The following GRHL2 variants were observed in gnomAD, a reference collection of about 807,000 sequenced individuals.
GRHL2 encodes the protein grainyhead like transcription factor 2, also known as grainyhead-like protein 2 homolog.
GRHL2 carries 21 observed loss-of-function variants against 83.8 expected under a neutral mutation model. The observed-to-expected ratio is 0.25, with a 90% CI of 0.18 to 0.36. The LOEUF (loss-of-function observed/expected upper bound fraction) is 0.36, where lower values mean the gene tolerates loss of function less well. Ranked by LOEUF, GRHL2 falls within the 10% of genes least tolerant of loss-of-function variation. The probability of loss-of-function intolerance (pLI) is 1.00; values close to 1 mark genes in which losing one functional copy is unlikely to be tolerated. For missense variants in GRHL2, 623 were observed against 781.8 expected (o/e 0.80, Z 2.42); for synonymous variants, 280 against 278.9 (o/e 1.00, Z -0.04).
Position 101,551,788 on chromosome 8 carries a change from T to A in GRHL2, c.217-927T>A, listed in dbSNP as rs1292243371. 4.7e-5 allele frequency among the ~76,000 whole-genome samples: 7 copies of A among 150,094 alleles called. No individual in the cohort carries two copies. The Admixed American group carries it at 4.7e-4, about 10-fold the overall frequency. On this transcript the variant is annotated intron_variant, in intron 2 of 15. Coordinates refer to ENST00000646743, the MANE Select transcript of GRHL2 (RefSeq NM_024915.4). ...GAGACAGAGCTGGTGGGATGGCCCT[T>A]CTTTCAATGAGCACTTTTTCAATAT...
At chr8:101,657,132 C>T (rs987210058) in intron 14 of GRHL2, among the ~76,000 whole-genome samples, 10 of 152,208 alleles carry the variant, frequency 6.6e-5, no homozygotes, top group African/African-American at 1.9e-4. Flanking sequence ...ATGTCAAACA[C>T]GGCCACCTAG....
At chr8:101,520,517 TTTCTG>T (rs1325248465) in intron 1 of GRHL2, among the ~76,000 whole-genome samples, 4 of 152,120 alleles carry the variant, frequency 2.6e-5, no homozygotes, top group Non-Finnish European at 5.9e-5. Flanking sequence ...TACAACCTCT[TTTCTG>T]TTCAATCCCA....
At chr8:101,574,271 G>A (rs1473596934) in intron 6 of GRHL2, among the ~76,000 whole-genome samples, 2 of 152,186 alleles carry the variant, frequency 1.3e-5, no homozygotes, top group Non-Finnish European at 2.9e-5. Context: ...GCAGCCCAGG[G>A]CTTTCTCAGG....
chr8:101,631,559 A>G lies in GRHL2; in HGVS notation c.1258-78A>G, dbSNP rs891774592. The G allele has an allele frequency of 3.6e-6, 4 of 1,109,968 alleles. No individual in the cohort carries two copies. In the African/African-American group the frequency reaches 4.6e-5, roughly 13 times the overall value. 68.8% of individuals were successfully genotyped at this position (1,109,968 alleles called of 1,614,324 possible). ...CTCCCCTGTATTGTTTCATATCCTC[A>G]TGACTTATGTGTGACATGACTTTTG... On this transcript the variant is annotated intron_variant, in intron 9 of 15. Coordinates refer to ENST00000646743, the MANE Select transcript of GRHL2 (RefSeq NM_024915.4).
At chr8:101,671,484 G>T (rs527354338), downstream of GRHL2, among the ~76,000 whole-genome samples, 28 of 152,298 alleles carry the variant, frequency 1.8e-4, no homozygotes, top group African/African-American at 6.7e-4. Flanking sequence ...CAAGCTGGGG[G>T]AGGGGCACCT....
At chr8:101,672,318 C>T (rs773854443), downstream of GRHL2, among the ~76,000 whole-genome samples, 86 of 151,534 alleles carry the variant, frequency 5.7e-4, no homozygotes, top group Non-Finnish European at 5.4e-4. Context: ...AAAAATTAGA[C>T]GAATGGATAA....
At chr8:101,527,414 T>C (rs1390262361) in intron 1 of GRHL2, among the ~76,000 whole-genome samples, 1 of 152,212 alleles carries the variant, frequency 6.6e-6, no homozygotes, top group African/African-American at 2.4e-5. Flanking sequence ...TTGCCCAGGC[T>C]GGTCTCAAAC....
intron 3 of GRHL2, among the ~76,000 whole-genome samples, chr8:101,557,001 C>G (rs1461691306): frequency 1.3e-5 from 2 of 151,962 alleles, no homozygotes; most frequent in Non-Finnish European, 2.9e-5. Flanking sequence ...TTCTCCAGTT[C>G]AGCAATGATA....
chr8:101,501,475 G>A (rs1036447826), intron 1 of GRHL2, among the ~76,000 whole-genome samples: 1 of 152,320 alleles, frequency 6.6e-6, no homozygotes, highest in East Asian at 1.9e-4. Context: ...AGGAGACAAG[G>A]AAAGGCTGAA....
intron 8 of GRHL2, among the ~76,000 whole-genome samples, chr8:101,614,385 A>G (rs1812813443): frequency 6.6e-6 from 1 of 151,178 alleles, no homozygotes; most frequent in African/African-American, 2.5e-5. Flanking sequence ...TGATCTAATG[A>G]ATTCTTTCTT....
chr8:101,617,865 A>G (rs1294823025), intron 8 of GRHL2, among the ~76,000 whole-genome samples: 1 of 152,248 alleles, frequency 6.6e-6, no homozygotes, highest in Middle Eastern at 3.4e-3. Flanking sequence ...GCTGCTCTCC[A>G]TAGTGTCGCT....
chr8:101,497,033 A>C (rs540773399), intron 1 of GRHL2, among the ~76,000 whole-genome samples: 105 of 152,318 alleles, frequency 6.9e-4, no homozygotes, highest in African/African-American at 2.5e-3. Context: ...AGAGATAGTA[A>C]TACCTAAGGA....
chr8:101,636,242 AT>A (rs1813282896), intron 11 of GRHL2, among the ~76,000 whole-genome samples: 1 of 152,222 alleles, frequency 6.6e-6, no homozygotes, highest in African/African-American at 2.4e-5. Flanking sequence ...GCCTTCTGCC[AT>A]GCCAACTACC....
intron 1 of GRHL2, among the ~76,000 whole-genome samples, chr8:101,509,962 A>G (rs1211852565): frequency 6.6e-6 from 1 of 152,132 alleles, no homozygotes; most frequent in African/African-American, 2.4e-5. Flanking sequence ...GTAATCTTTA[A>G]GTAATTGGTT....
At chr8:101,543,162 T>A (rs1312418840) in intron 1 of GRHL2, 79 bp from the exon 2 acceptor site, 2 of 1,012,210 alleles carry the variant, frequency 2.0e-6, no homozygotes, top group African/African-American at 1.6e-5. Context: ...ATGTTTGTAG[T>A]CATGTAATAT....
intron 1 of GRHL2, among the ~76,000 whole-genome samples, chr8:101,530,930 A>G (rs1810911517): frequency 2.0e-5 from 3 of 152,220 alleles, no homozygotes; most frequent in Admixed American, 2.0e-4. Context: ...AGAAGGATGC[A>G]TAAGAACTCA....
At chr8:101,636,184 G>A (rs948053198) in intron 11 of GRHL2, among the ~76,000 whole-genome samples, 15 of 152,210 alleles carry the variant, frequency 9.9e-5, no homozygotes, top group African/African-American at 3.6e-4. Context: ...TTCTCCCATG[G>A]TTCTATAAAA....
At chr8:101,538,554 G>A (rs1811090647) in intron 1 of GRHL2, among the ~76,000 whole-genome samples, 2 of 152,160 alleles carry the variant, frequency 1.3e-5, no homozygotes, top group Non-Finnish European at 2.9e-5. Flanking sequence ...GCTGTTTACC[G>A]TTCTGTGTTT....
In GRHL2 at chr8:101,549,095, A is replaced by C. The variant is rs60932017; in HGVS notation, c.217-3620A>C. On this transcript the variant is annotated intron_variant, in intron 2 of 15. Transcript: ENST00000646743. ...GGACACAGAAAATTAGATGGGACTCAAAGTATGGGCACAAGTTAGCCTGGA... is the reference window on the plus strand; with the variant it reads ...GGACACAGAAAATTAGATGGGACTCCAAGTATGGGCACAAGTTAGCCTGGA... Among the ~76,000 whole-genome samples, 353 of 152,112 alleles carry C rather than the reference A, an allele frequency of 2.3e-3. 5 individuals carry two copies. The East Asian group carries it at 0.058, about 25-fold the overall frequency.
Sources: allele counts gnomAD v4.1 joint callset (sites outside exome capture counted in the v4.1 genomes callset), GRCh38; gene constraint gnomAD v4.1.1; transcripts MANE v1.5; gene names NCBI Gene and HGNC (gene_info 2026-07-23, HGNC 2026-07-21).